The following ZNF280D variants were observed in gnomAD, a reference collection of about 807,000 sequenced individuals.
The protein encoded by ZNF280D is suppressor of hairy wing homolog 4.
Under a neutral mutation model 94.7 loss-of-function variants are expected in ZNF280D, and 39 were observed. The ratio of observed to expected loss-of-function variants is 0.41; its 90% CI spans 0.32 to 0.54. The LOEUF is 0.54. ZNF280D is among the 20% of genes least tolerant of loss of function. The probability of loss-of-function intolerance (pLI) is 0.22; values close to 1 mark genes in which losing one functional copy is unlikely to be tolerated. For synonymous variants in ZNF280D, 398 were observed against 377.6 expected (o/e 1.05, Z -0.63); for missense variants, 1,090 against 1,149.3 (o/e 0.95, Z 0.75).
chr15:56,709,878 G>C (rs1274413533), intron 1 of ZNF280D, among the ~76,000 whole-genome samples: 1 of 152,132 alleles, frequency 6.6e-6, no homozygotes, highest in African/African-American at 2.4e-5. Context: ...GTAGAGGGGA[G>C]GGATAGCATT....
At position 56,666,985 on chromosome 15, in the gene ZNF280D, A is replaced by G; in HGVS notation, c.1547T>C (p.Val516Ala). The G allele has an allele frequency of 1.3e-6, 2 of 1,566,350 alleles. No homozygotes were observed. Among genetic ancestry groups the G allele is most frequent in the Non-Finnish European group, 1.7e-6 (2 of 1,158,546 alleles). The change falls in exon 15 of 22, where the codon GTT (valine) becomes GCT (alanine). Residue 516 changes from valine (V) to alanine (A), a missense_variant and splice_region_variant. This residue lies in a region of ZNF280D where 577 missense variants were observed against 568.8 expected (regional missense o/e 1.01). Transcript: ENST00000267807. The stretch of plus-strand genomic sequence containing the variant: ...AGGTCCAACTGAAGCTCGAATAGTA[A>G]CCTACAAAAATAAAGAGAAGATTTG... ...QLEGLPPGTK[V>A]TIRASVGPLQ...
At chr15:56,681,977 G>A (rs199962774) in intron 10 of ZNF280D, among the ~76,000 whole-genome samples, 11 of 151,846 alleles carry the variant, frequency 7.2e-5, no homozygotes, top group Non-Finnish European at 1.5e-4. Flanking sequence ...CAAAAATCAC[G>A]ACTAAAACAG....
At chr15:56,650,408 AAAAG>A (rs2053139026) in intron 19 of ZNF280D, among the ~76,000 whole-genome samples, 1 of 152,174 alleles carries the variant, frequency 6.6e-6, no homozygotes, top group East Asian at 1.9e-4. Flanking sequence ...ATTTCACAGA[AAAAG>A]AAACTGAAGT....
rs1189510249 is a variant in ZNF280D at position 56,632,109 on chromosome 15, CT to C, written c.2328del (p.Ala777LeufsTer27). The C allele has an allele frequency of 6.4e-7, 1 of 1,574,310 alleles. No individual in the cohort carries two copies. Among genetic ancestry groups the C allele is most frequent in the Admixed American group, 1.9e-5 (1 of 52,870 alleles). On this transcript the variant is annotated frameshift_variant, in exon 22 of 22. Coordinates refer to ENST00000267807, the MANE Select transcript of ZNF280D (RefSeq NM_017661.4). LOFTEE classifies it low-confidence loss of function (END_TRUNC). ...ETSNSESKQD[K>X]AASSKEKNGC... ...CCATTTTTTTCTTTTGAAGAAGCAG[CT>C]TTATCTTGTTTACTGAAAAATAAAG...
At chr15:56,679,581 G>A (rs1266790343) in intron 10 of ZNF280D, among the ~76,000 whole-genome samples, 1 of 152,172 alleles carries the variant, frequency 6.6e-6, no homozygotes, top group African/African-American at 2.4e-5. Flanking sequence ...CAATGGCAGA[G>A]GGTGCAATAT....
intron 6 of ZNF280D, chr15:56,700,551 T>A: frequency 9.3e-7 from 1 of 1,080,060 alleles, no homozygotes; most frequent in Non-Finnish European, 1.1e-6. Flanking sequence ...GAAGGAATGT[T>A]TTCAGAATAA....
At chr15:56,649,799 G>A (rs1179818685) in intron 19 of ZNF280D, among the ~76,000 whole-genome samples, 1 of 151,968 alleles carries the variant, frequency 6.6e-6, no homozygotes, top group Non-Finnish European at 1.5e-5. Flanking sequence ...TTCAATGACA[G>A]TAAGTATCTC....
At position 56,648,185 on chromosome 15, in the gene ZNF280D, T is replaced by C. The variant is rs189355309; in HGVS notation, c.2214-5188A>G. ...AACTGAAAACCTTAACTGATCTCTC[T>C]GCCTCTATATGTTTTCCACTCTAAA... On this transcript the variant is annotated intron_variant, in intron 19 of 21. Transcript: ENST00000267807. Among the ~76,000 whole-genome samples, 5 of 152,298 alleles carry C rather than the reference T, an allele frequency of 3.3e-5. No homozygotes were observed. In the East Asian group the frequency reaches 9.7e-4, roughly 30 times the overall value.
chr15:56,693,977 G>A (rs2056576827), intron 6 of ZNF280D, among the ~76,000 whole-genome samples: 1 of 152,044 alleles, frequency 6.6e-6, no homozygotes, highest in Admixed American at 6.6e-5. Flanking sequence ...GAACAAATAA[G>A]AATGCCAGGC....
Position 56,653,966 on chromosome 15 carries a change from C to A in ZNF280D, c.2213+232G>T, listed in dbSNP as rs1279373607. Reference sequence around the variant, plus strand: ...TGTCATGAACTTGGCTGCTCAACTGCCTTTGTGTAAGAAAACATCTCAGAA... The same window carrying A: ...TGTCATGAACTTGGCTGCTCAACTGACTTTGTGTAAGAAAACATCTCAGAA... On this transcript the variant is annotated intron_variant, in intron 19 of 21. Coordinates refer to ENST00000267807, the MANE Select transcript of ZNF280D (RefSeq NM_017661.4). The A allele has an allele frequency of 2.9e-6, 4 of 1,393,128 alleles. No homozygotes were observed. In the African/African-American group the frequency reaches 5.9e-5, roughly 21 times the overall value. The allele number at this position is 1,393,128 out of a possible 1,614,324, so 86.3% of individuals were successfully genotyped here. A position where few individuals can be genotyped will look rare whatever the true frequency, so the allele number is the denominator to read the frequency against.
intron 21 of ZNF280D, among the ~76,000 whole-genome samples, chr15:56,634,490 T>C (rs1476963622): frequency 6.6e-6 from 1 of 152,156 alleles, no homozygotes; most frequent in Non-Finnish European, 1.5e-5. Context: ...ACTTTACTAT[T>C]GAAGTATAAG....
chr15:56,677,434 G>T (rs2055305812), intron 12 of ZNF280D, 140 bp downstream of exon 12: 1 of 574,530 alleles, frequency 1.7e-6, no homozygotes, highest in African/African-American at 1.9e-5. Flanking sequence ...AACCCAGCTT[G>T]CTGCCTATCC....
intron 13 of ZNF280D, among the ~76,000 whole-genome samples, chr15:56,670,318 T>C (rs2054776454): frequency 6.6e-6 from 1 of 151,434 alleles, no homozygotes; most frequent in Admixed American, 6.6e-5. Context: ...CATTCATTAG[T>C]TATTTTTCCT....
At chr15:56,708,279 C>A (rs1271259947) in intron 1 of ZNF280D, among the ~76,000 whole-genome samples, 1 of 152,138 alleles carries the variant, frequency 6.6e-6, no homozygotes, top group Non-Finnish European at 1.5e-5. Context: ...GAGTTACTAT[C>A]ACATGAGACT....
At chr15:56,689,770 T>C (rs552672777) in intron 7 of ZNF280D, among the ~76,000 whole-genome samples, 5 of 151,836 alleles carry the variant, frequency 3.3e-5, no homozygotes, top group African/African-American at 1.2e-4. Flanking sequence ...CAGACCAATA[T>C]TCCAAGCCAA....
chr15:56,697,696 T>C (rs2056835084), intron 6 of ZNF280D: 1 of 152,198 alleles, frequency 6.6e-6, no homozygotes, highest in Non-Finnish European at 1.5e-5. Context: ...CAAAAAGACT[T>C]TTTGTTCACA....
intron 3 of ZNF280D, among the ~76,000 whole-genome samples, chr15:56,706,152 G>A (rs1227751246): frequency 7.4e-6 from 1 of 134,830 alleles, no homozygotes; most frequent in Non-Finnish European, 1.6e-5. Flanking sequence ...ACAGACACAA[G>A]CAGAAAAGGA....
chr15:56,653,066 A>G, intron 19 of ZNF280D: 1 of 980,238 alleles, frequency 1.0e-6, no homozygotes, highest in Non-Finnish European at 1.2e-6. Context: ...AAAATTACAG[A>G]ATTAATACTG....
chr15:56,720,974 G>GGCT (rs140166902), intron 1 of ZNF280D, among the ~76,000 whole-genome samples: 5,838 of 41,924 alleles, frequency 0.14, 380 homozygotes, highest in Non-Finnish European at 0.28. Flanking sequence ...TTTTTTTGGG[G>GGCT]GGGGGGGGGA....
Sources: allele counts gnomAD v4.1 joint callset (sites outside exome capture counted in the v4.1 genomes callset), GRCh38; gene constraint gnomAD v4.1.1; regional missense constraint gnomAD v4.1.1; transcripts MANE v1.5; gene names NCBI Gene and HGNC (gene_info 2026-07-23, HGNC 2026-07-21).